The following PPARGC1A variants were observed in gnomAD, a reference collection of about 807,000 sequenced individuals.
PPARGC1A encodes peroxisome proliferator-activated receptor gamma coactivator 1-alpha.
In PPARGC1A, 25 loss-of-function variants were observed where a neutral mutation model predicts 88.7. The ratio of observed to expected loss-of-function variants is 0.28; its 90% CI spans 0.21 to 0.39. The LOEUF (loss-of-function observed/expected upper bound fraction) is 0.39. Among genes scored for constraint, PPARGC1A ranks in the 10% least tolerant of loss-of-function variants. The probability of loss-of-function intolerance (pLI) is 1.00; values close to 1 mark genes in which losing one functional copy is unlikely to be tolerated. For synonymous variants in PPARGC1A, 363 were observed against 355.6 expected (o/e 1.02, Z -0.24); for missense variants, 880 against 968.7 (o/e 0.91, Z 1.22).
At chr4:24,158,693 A>C in the PPARGC1A span, among the ~76,000 whole-genome samples, 13 of 152,222 alleles carry the variant, frequency 8.5e-5, no homozygotes, top group Admixed American at 2.0e-4. Flanking sequence ...GTTGTGGAAC[A>C]GCTTGAATTG....
the PPARGC1A span, among the ~76,000 whole-genome samples, chr4:24,329,450 A>C: frequency 6.6e-6 from 1 of 151,908 alleles, no homozygotes; most frequent in African/African-American, 2.4e-5. Context: ...AACCTCCTGC[A>C]CTCAACCACA....
At chr4:24,289,745 T>C in the PPARGC1A span, among the ~76,000 whole-genome samples, 2 of 152,190 alleles carry the variant, frequency 1.3e-5, no homozygotes, top group Non-Finnish European at 2.9e-5. Context: ...TTTCTTATTC[T>C]GCTAAACTTC....
chr4:24,141,906 G>A, the PPARGC1A span, among the ~76,000 whole-genome samples: 6 of 152,160 alleles, frequency 3.9e-5, no homozygotes, highest in South Asian at 4.1e-4. Flanking sequence ...AAGGAGCCAC[G>A]TTTCTAATCA....
chr4:23,892,820 C>A (rs532171826), upstream of PPARGC1A, among the ~76,000 whole-genome samples: 1 of 152,060 alleles, frequency 6.6e-6, no homozygotes, highest in Admixed American at 6.6e-5. Flanking sequence ...GACATGGACA[C>A]AAGAGAGCTT....
the PPARGC1A span, among the ~76,000 whole-genome samples, chr4:24,006,029 T>A: frequency 1.3e-5 from 2 of 152,198 alleles, no homozygotes; most frequent in Non-Finnish European, 2.9e-5. Flanking sequence ...TTTTTGGTTT[T>A]GTTTTTGTGT....
upstream of PPARGC1A, among the ~76,000 whole-genome samples, chr4:23,902,029 T>A (rs1444919724): frequency 1.3e-5 from 2 of 152,114 alleles, no homozygotes; most frequent in Non-Finnish European, 2.9e-5. Context: ...AAAATTGAGA[T>A]GTTCTACAGA....
At chr4:24,027,177 G>A in the PPARGC1A span, among the ~76,000 whole-genome samples, 15 of 148,956 alleles carry the variant, frequency 1.0e-4, no homozygotes, top group African/African-American at 3.7e-4. Context: ...GGAGGATCAT[G>A]CACACCTGAC....
chr4:24,190,766 A>G, the PPARGC1A span, among the ~76,000 whole-genome samples: 1 of 152,164 alleles, frequency 6.6e-6, no homozygotes, highest in Non-Finnish European at 1.5e-5. Flanking sequence ...CTACCAGCTC[A>G]TTCCTCTAGA....
the PPARGC1A span, among the ~76,000 whole-genome samples, chr4:24,305,250 T>TAA: frequency 2.0e-5 from 3 of 150,740 alleles, no homozygotes; most frequent in African/African-American, 7.3e-5. Context: ...ATCATATATA[T>TAA]AATATATATA....
chr4:24,206,838 C>T, the PPARGC1A span, among the ~76,000 whole-genome samples: 25 of 62,746 alleles, frequency 4.0e-4, no homozygotes, highest in Admixed American at 1.6e-3. Context: ...AAGACTTCAC[C>T]TTAAAAAAAA....
At chr4:24,206,711 G>A in the PPARGC1A span, among the ~76,000 whole-genome samples, 6 of 151,814 alleles carry the variant, frequency 4.0e-5, no homozygotes, top group Admixed American at 6.6e-5. Flanking sequence ...GTAGTGGCAC[G>A]TGCCTGTAAT....
the PPARGC1A span, among the ~76,000 whole-genome samples, chr4:24,126,362 T>G: frequency 5.7e-3 from 860 of 152,074 alleles, 12 homozygotes; most frequent in African/African-American, 0.02. Flanking sequence ...TAATCAGTAA[T>G]GCCCTTTGCA....
chr4:24,267,528 G>A, the PPARGC1A span, among the ~76,000 whole-genome samples: 336 of 152,218 alleles, frequency 2.2e-3, 1 homozygote, highest in African/African-American at 7.7e-3. Context: ...CTATCAATCC[G>A]GTGTTGTGTT....
upstream of PPARGC1A, chr4:23,890,176 G>T: frequency 2.1e-6 from 2 of 938,948 alleles, no homozygotes; most frequent in Non-Finnish European, 2.8e-6. Context: ...AACTCGTGAC[G>T]TCACTCAAAG....
At chr4:23,875,652 T>C (rs956521904) in intron 2 of PPARGC1A, 3 of 152,040 alleles carry the variant, frequency 2.0e-5, no homozygotes, top group African/African-American at 7.2e-5. Flanking sequence ...CCTTCTTCTC[T>C]TTTATCACCC....
the PPARGC1A span, among the ~76,000 whole-genome samples, chr4:24,020,592 G>C: frequency 6.6e-6 from 1 of 152,262 alleles, no homozygotes; most frequent in African/African-American, 2.4e-5. Context: ...GCAAGGAGAT[G>C]GGCTCCCCTT....
chr4:23,931,439 T>C, the PPARGC1A span, among the ~76,000 whole-genome samples: 5 of 152,148 alleles, frequency 3.3e-5, no homozygotes, highest in Non-Finnish European at 5.9e-5. Context: ...CCTGACTTTT[T>C]TTTTTACTTC....
At chr4:24,316,541 C>A in the PPARGC1A span, among the ~76,000 whole-genome samples, 1 of 152,150 alleles carries the variant, frequency 6.6e-6, no homozygotes, top group South Asian at 2.1e-4. Context: ...GTTTTTAAAA[C>A]CCTCCACATT....
At chr4:23,983,612 G>A in the PPARGC1A span, among the ~76,000 whole-genome samples, 2 of 151,974 alleles carry the variant, frequency 1.3e-5, no homozygotes, top group African/African-American at 4.8e-5. Context: ...AGAATTTCTA[G>A]AAATACAGGA....
Sources: allele counts gnomAD v4.1 joint callset (sites outside exome capture counted in the v4.1 genomes callset), GRCh38; gene constraint gnomAD v4.1.1; transcripts MANE v1.5; gene names NCBI Gene and HGNC (gene_info 2026-07-23, HGNC 2026-07-21).